RERE: variants seen among roughly 807,000 people sequenced by gnomAD.
RERE encodes the protein arginine-glutamic acid dipeptide repeats protein.
Under a neutral mutation model 146.1 loss-of-function variants are expected in RERE, and 40 were observed. The ratio of observed to expected loss-of-function variants is 0.27; its 90% confidence interval spans 0.21 to 0.36. The LOEUF (loss-of-function observed/expected upper bound fraction) is 0.36, where lower values mean the gene tolerates loss of function less well. Ranked by LOEUF, RERE falls within the 10% of genes least tolerant of loss-of-function variation. The pLI, the probability that RERE is intolerant of heterozygous loss-of-function variation, is 1.00. For missense variants in RERE, 1,933 were observed against 2,138.7 expected, an observed-to-expected ratio of 0.90 and a Z score of 1.90; for synonymous variants, 1,003 against 866.0, an observed-to-expected ratio of 1.16 and a Z score of -2.78.
chr1:8,508,754 A>G lies in RERE; in HGVS notation c.831-79T>C, dbSNP rs80016955. On this transcript the variant is annotated intron_variant, in intron 7 of 22. Transcript: ENST00000400908. Reference sequence around the variant, plus strand: ...ATTCACACATTTTTCAAAAAAAGTAATTCTCTTCAAATAAATGAGGAAAAA... The same window carrying G: ...ATTCACACATTTTTCAAAAAAAGTAGTTCTCTTCAAATAAATGAGGAAAAA... 6,720 of 1,152,432 alleles carry G rather than the reference A, an allele frequency of 5.8e-3. 278 individuals are homozygous for G. The African/African-American group carries it at 0.092, about 16-fold the overall frequency. 71.4% of individuals were successfully genotyped at this position (1,152,432 alleles called of 1,614,324 possible).
chr1:8,747,634 C>T (rs987859901), intron 1 of RERE, among the ~76,000 whole-genome samples: 2 of 152,032 alleles, frequency 1.3e-5, no homozygotes, highest in African/African-American at 2.4e-5. Context: ...ACTCAAAGCC[C>T]ATATGCAAAC....
chr1:8,484,851 C>G (rs111344328), intron 10 of RERE, among the ~76,000 whole-genome samples: 118 of 152,242 alleles, frequency 7.8e-4, no homozygotes, highest in African/African-American at 2.7e-3. Context: ...TGAGAGAGAC[C>G]AACATGTTTA....
intron 1 of RERE, among the ~76,000 whole-genome samples, chr1:8,815,000 A>G (rs1641883931): frequency 6.6e-6 from 1 of 152,216 alleles, no homozygotes; most frequent in Non-Finnish European, 1.5e-5. Context: ...ACTGCGCTTA[A>G]AAGAAAATCA....
At chr1:8,642,694 G>A (rs6577513) in intron 2 of RERE, among the ~76,000 whole-genome samples, 95,803 of 152,052 alleles carry the variant, frequency 0.63, 30,643 homozygotes, top group East Asian at 0.83. Flanking sequence ...TTTAAAAAGT[G>A]TAACAGTGTC....
At chr1:8,547,108 T>C (rs557625855) in intron 6 of RERE, among the ~76,000 whole-genome samples, 1 of 148,506 alleles carries the variant, frequency 6.7e-6, no homozygotes, top group African/African-American at 2.5e-5. Flanking sequence ...AAACAAAATA[T>C]TAAGCTTCAC....
At chr1:8,719,394 ATTAGCATCC>A (rs1639820832) in intron 1 of RERE, among the ~76,000 whole-genome samples, 1 of 152,220 alleles carries the variant, frequency 6.6e-6, no homozygotes, top group Non-Finnish European at 1.5e-5. Context: ...TTTGTCCCAA[ATTAGCATCC>A]TTAAGGTAAT....
chr1:8,795,870 T>G (rs963417096), intron 1 of RERE, among the ~76,000 whole-genome samples: 1 of 150,988 alleles, frequency 6.6e-6, no homozygotes. Flanking sequence ...TAATCCCAAC[T>G]ACTCAGGAGG....
At chr1:8,680,675 C>T (rs181421450) in intron 1 of RERE, among the ~76,000 whole-genome samples, 22 of 152,188 alleles carry the variant, frequency 1.4e-4, no homozygotes, top group African/African-American at 5.1e-4. Context: ...AAAGTAACAT[C>T]TATGTTTAAA....
At chr1:8,488,699 C>T (rs1644937157) in intron 10 of RERE, among the ~76,000 whole-genome samples, 1 of 152,114 alleles carries the variant, frequency 6.6e-6, no homozygotes, top group Non-Finnish European at 1.5e-5. Context: ...GTATTCAAAA[C>T]ACAGAGGCCC....
At chr1:8,713,496 G>A (rs868719610) in intron 1 of RERE, among the ~76,000 whole-genome samples, 3 of 152,140 alleles carry the variant, frequency 2.0e-5, no homozygotes, top group African/African-American at 7.2e-5. Context: ...CACTTTGGGA[G>A]GCTGAGGTGG....
intron 1 of RERE, among the ~76,000 whole-genome samples, chr1:8,727,919 C>T (rs903185554): frequency 4.6e-5 from 7 of 152,226 alleles, no homozygotes; most frequent in Non-Finnish European, 8.8e-5. Context: ...ACTTCTAAAA[C>T]AAAGACCACT....
intron 1 of RERE, among the ~76,000 whole-genome samples, chr1:8,683,031 C>CCA (rs1553133105): frequency 1.3e-3 from 87 of 65,758 alleles, no homozygotes; most frequent in Non-Finnish European, 2.0e-3. Context: ...CTGTCTTTAC[C>CCA]AAAAAAAAAA....
At chr1:8,642,768 C>T (rs1005513351) in intron 2 of RERE, among the ~76,000 whole-genome samples, 6 of 152,122 alleles carry the variant, frequency 3.9e-5, no homozygotes, top group Non-Finnish European at 5.9e-5. Context: ...ACCTTCTGGA[C>T]AGTCATTTCT....
At chr1:8,471,936 A>T (rs752805646) in intron 10 of RERE, among the ~76,000 whole-genome samples, 3 of 152,108 alleles carry the variant, frequency 2.0e-5, no homozygotes, top group Admixed American at 1.3e-4. Flanking sequence ...CTCAGCATCC[A>T]GAGTAGCTGG....
intron 1 of RERE, among the ~76,000 whole-genome samples, chr1:8,680,672 C>T (rs917256641): frequency 6.6e-6 from 1 of 152,102 alleles, no homozygotes; most frequent in Non-Finnish European, 1.5e-5. Flanking sequence ...TGAAAAGTAA[C>T]ATCTATGTTT....
In RERE at chr1:8,649,458, G is replaced by A. The variant is rs1181995551; in HGVS notation, c.325+6515C>T. 2.6e-5 allele frequency among the ~76,000 whole-genome samples: 4 copies of A among 152,006 alleles called. No homozygotes were observed. In the East Asian group the frequency reaches 5.8e-4, roughly 22 times the overall value. ...ATATTATGGAATACAGGCTGGGCGC[G>A]GTGGCTCTCACCTGTAATCCCAGCA... On this transcript the variant is annotated intron_variant, in intron 2 of 22. Coordinates refer to ENST00000400908, the MANE Select transcript of RERE (RefSeq NM_001042681.2).
chr1:8,411,870 C>T (rs1269504006), intron 12 of RERE, among the ~76,000 whole-genome samples: 1 of 152,174 alleles, frequency 6.6e-6, no homozygotes, highest in Non-Finnish European at 1.5e-5. Context: ...GCCATCTATA[C>T]AGATTCATCG....
chr1:8,501,020 C>T (rs112220228), intron 8 of RERE, among the ~76,000 whole-genome samples: 8,813 of 107,552 alleles, frequency 0.082, 358 homozygotes, highest in Non-Finnish European at 0.11. Context: ...CCGGCAGCCA[C>T]CCCGTCCGGG....
chr1:8,587,709 T>G (rs1026860639), intron 4 of RERE, among the ~76,000 whole-genome samples: 26 of 152,302 alleles, frequency 1.7e-4, no homozygotes, highest in Middle Eastern at 3.4e-3. Context: ...AGCACACCTT[T>G]CCAGTTCTAT....
Sources: allele counts gnomAD v4.1 joint callset (sites outside exome capture counted in the v4.1 genomes callset), GRCh38; gene constraint gnomAD v4.1.1; transcripts MANE v1.5; gene names NCBI Gene and HGNC (gene_info 2026-07-23, HGNC 2026-07-21).